GPHN: variants seen among roughly 807,000 people sequenced by gnomAD.
GPHN encodes gephyrin.
A neutral mutation model predicts 95.5 loss-of-function variants in GPHN; 17 were observed. The ratio of observed to expected loss-of-function variants is 0.18; its 90% CI spans 0.12 to 0.27. GPHN has a LOEUF of 0.27. GPHN is among the 10% of genes least tolerant of loss of function. The pLI is 1.00. For synonymous variants in GPHN, 320 were observed against 322.5 expected (o/e 0.99, Z 0.08); for missense variants, 660 against 978.1 (o/e 0.67, Z 4.34).
At chr14:66,841,615 T>G (rs1350854131) in intron 4 of GPHN, among the ~76,000 whole-genome samples, 1 of 152,168 alleles carries the variant, frequency 6.6e-6, no homozygotes, top group African/African-American at 2.4e-5. Context: ...AGAATGTAGT[T>G]TCCATTTACT....
intron 13 of GPHN, 138 bp downstream of exon 13, chr14:67,101,049 G>A: frequency 1.5e-6 from 1 of 686,188 alleles, no homozygotes; most frequent in South Asian, 1.5e-5. Context: ...TGAAAGTATA[G>A]TTCCCAGGAG....
chr14:67,187,295 C>T, the GPHN span, among the ~76,000 whole-genome samples: 2 of 152,206 alleles, frequency 1.3e-5, no homozygotes, highest in South Asian at 2.1e-4. Flanking sequence ...CTCATTCTTT[C>T]TGCCTCCTAC....
At chr14:66,848,895 C>A (rs2062454471) in intron 4 of GPHN, among the ~76,000 whole-genome samples, 1 of 151,902 alleles carries the variant, frequency 6.6e-6, no homozygotes, top group Non-Finnish European at 1.5e-5. Context: ...CAACTGGGAG[C>A]ACACCATATA....
At chr14:66,654,190 C>T (rs2065193088) in intron 1 of GPHN, among the ~76,000 whole-genome samples, 1 of 152,040 alleles carries the variant, frequency 6.6e-6, no homozygotes, top group Admixed American at 6.6e-5. Context: ...CTCTGTCACC[C>T]AGGCTGGAGT....
intron 2 of GPHN, among the ~76,000 whole-genome samples, chr14:66,725,407 T>A (rs1308533852): frequency 1.3e-5 from 2 of 152,204 alleles, no homozygotes; most frequent in African/African-American, 4.8e-5. Context: ...GAAAACAGTA[T>A]GTTTTATGTA....
the GPHN span, among the ~76,000 whole-genome samples, chr14:67,532,801 T>C: frequency 1.3e-5 from 2 of 152,364 alleles, no homozygotes; most frequent in African/African-American, 4.8e-5. Context: ...GTTCCAAATA[T>C]CCAGACGTTA....
At chr14:66,670,291 A>C (rs1410845421) in intron 1 of GPHN, among the ~76,000 whole-genome samples, 4 of 152,128 alleles carry the variant, frequency 2.6e-5, no homozygotes, top group African/African-American at 4.8e-5. Flanking sequence ...GGGTTGGTTG[A>C]AGATGTTTGG....
At chr14:67,076,326 C>T (rs575894502) in intron 11 of GPHN, among the ~76,000 whole-genome samples, 9 of 152,260 alleles carry the variant, frequency 5.9e-5, no homozygotes, top group South Asian at 4.1e-4. Flanking sequence ...TACAGAATAG[C>T]GTAAACATAA....
At chr14:67,328,813 C>T in the GPHN span, among the ~76,000 whole-genome samples, 1 of 152,142 alleles carries the variant, frequency 6.6e-6, no homozygotes, top group East Asian at 1.9e-4. Context: ...TTTCTGAGGG[C>T]TCTGTTCTGT....
At chr14:67,102,313 A>G (rs1008390556) in intron 13 of GPHN, among the ~76,000 whole-genome samples, 2 of 152,092 alleles carry the variant, frequency 1.3e-5, no homozygotes, top group African/African-American at 4.8e-5. Context: ...TTCCCTTCAA[A>G]GTTTCCTCTT....
the GPHN span, chr14:67,467,092 A>G: frequency 6.6e-6 from 1 of 151,802 alleles, no homozygotes; most frequent in Non-Finnish European, 1.5e-5. Flanking sequence ...CTCTTCCTGG[A>G]AGAATCCTTA....
chr14:67,363,571 G>C, the GPHN span, among the ~76,000 whole-genome samples: 1 of 152,142 alleles, frequency 6.6e-6, no homozygotes, highest in African/African-American at 2.4e-5. Flanking sequence ...TTCAAATCCT[G>C]ACTCATCACC....
intron 1 of GPHN, among the ~76,000 whole-genome samples, chr14:66,618,331 A>G (rs2063138181): frequency 6.6e-6 from 1 of 152,006 alleles, no homozygotes; most frequent in Non-Finnish European, 1.5e-5. Flanking sequence ...ACCTGTGTCT[A>G]CCTCCCAAAG....
chr14:67,653,111 A>C, the GPHN span, among the ~76,000 whole-genome samples: 8 of 152,340 alleles, frequency 5.3e-5, 1 homozygote, highest in South Asian at 1.7e-3. Context: ...ATATATTTCA[A>C]GGAATAGGAA....
At chr14:67,562,914 C>T in the GPHN span, 2 of 1,604,794 alleles carry the variant, frequency 1.2e-6, no homozygotes, top group Admixed American at 1.7e-5. Context: ...AACCTCCGGG[C>T]TGGGCAGAGG....
At chr14:67,572,759 A>G in the GPHN span, among the ~76,000 whole-genome samples, 157 of 152,208 alleles carry the variant, frequency 1.0e-3, no homozygotes, top group African/African-American at 3.5e-3. Flanking sequence ...TCCACTCCCG[A>G]TGTAATTCCG....
chr14:67,304,075 C>T, the GPHN span: 24 of 153,294 alleles, frequency 1.6e-4, no homozygotes, highest in African/African-American at 2.7e-4. Context: ...GCCAACTCTG[C>T]ACCTTTTTAA....
chr14:67,619,232 T>C, the GPHN span, among the ~76,000 whole-genome samples: 1 of 152,260 alleles, frequency 6.6e-6, no homozygotes, highest in Non-Finnish European at 1.5e-5. Flanking sequence ...AGAAATAGTC[T>C]AAATACGTTG....
At chr14:66,901,800 G>T (rs563564289) in intron 5 of GPHN, among the ~76,000 whole-genome samples, 31 of 152,118 alleles carry the variant, frequency 2.0e-4, no homozygotes, top group Admixed American at 5.9e-4. Flanking sequence ...TTGGAGTCAG[G>T]TCATGTGATG....
Sources: gnomAD v4.1 joint callset for allele counts (sites outside exome capture counted in the v4.1 genomes callset) on GRCh38, gnomAD v4.1.1 for gene constraint, MANE v1.5 for transcripts, NCBI Gene and HGNC (gene_info 2026-07-23, HGNC 2026-07-21) for gene names.